Variants in GPR173 observed in about 807,000 individuals in gnomAD.
The protein encoded by GPR173 is G protein-coupled receptor 173.
Under a neutral mutation model 13.9 loss-of-function variants are expected in GPR173, and 2 were observed. The ratio of observed to expected loss-of-function variants is 0.14; its 90% CI spans 0.06 to 0.45. The LOEUF is 0.45. GPR173 is among the 20% of genes least tolerant of loss of function. GPR173 has a pLI of 0.98. For synonymous variants in GPR173, 131 were observed against 141.0 expected (o/e 0.93, Z 0.50); for missense variants, 202 against 340.5 (o/e 0.59, Z 3.20).
At chrX:53,059,652 TGTA>T (rs1475936651) in intron 1 of GPR173, among the ~76,000 whole-genome samples, 1 of 108,251 alleles carries the variant, frequency 9.2e-6, no homozygotes, top group African/African-American at 3.4e-5. Context: ...ATTAGCCAGG[TGTA>T]GTGGTGTGCA....
chrX:53,072,964 T>C (rs782241354), intron 1 of GPR173, among the ~76,000 whole-genome samples: 3 of 111,399 alleles, frequency 2.7e-5, no homozygotes, highest in African/African-American at 9.8e-5. Flanking sequence ...GGCTCATACC[T>C]GTAATCCCAA....
intron 1 of GPR173, among the ~76,000 whole-genome samples, chrX:53,052,606 T>TAC (rs1569220331): frequency 0.016 from 1,626 of 101,656 alleles, 32 homozygotes; most frequent in African/African-American, 0.056. Context: ...CACACACGTG[T>TAC]GTGTGTGTGT....
At position 53,060,259 on chromosome X, in the gene GPR173, C is replaced by T. The variant is rs1556803634; in HGVS notation, c.-98+10775C>T. Among the ~76,000 whole-genome samples the T allele has an allele frequency of 2.8e-5, 3 of 108,569 alleles. 1 individual carries two copies. Among genetic ancestry groups the T allele is most frequent in the East Asian group, 2.9e-4 (1 of 3,446 alleles). The allele number at this position is 108,569 out of a possible 115,157, so 94.3% of individuals were successfully genotyped here. A position where few individuals can be genotyped will look rare whatever the true frequency, so the allele number is the denominator to read the frequency against. Reference sequence around the variant, plus strand: ...CTGCCTCCCGGGTTCAAGCGATTCTCGTGCCTCAACCAAAAAAAAATTTAA... The same window carrying T: ...CTGCCTCCCGGGTTCAAGCGATTCTTGTGCCTCAACCAAAAAAAAATTTAA... On this transcript the variant is annotated intron_variant, in intron 1 of 1. Transcript: ENST00000332582.
intron 1 of GPR173, among the ~76,000 whole-genome samples, chrX:53,073,972 T>A (rs1244408126): frequency 3.1e-5 from 1 of 32,498 alleles, no homozygotes. Context: ...TAAATATATA[T>A]TTATATTTAT....
intron 1 of GPR173, among the ~76,000 whole-genome samples, chrX:53,057,177 G>A (rs1411068565): frequency 8.9e-6 from 1 of 111,887 alleles, no homozygotes; most frequent in Non-Finnish European, 1.9e-5. Flanking sequence ...AGCACTTTGG[G>A]AGGCTGAGGC....
intron 1 of GPR173, among the ~76,000 whole-genome samples, chrX:53,073,437 T>G (rs1373613785): frequency 9.1e-6 from 1 of 110,414 alleles, no homozygotes; most frequent in Non-Finnish European, 1.9e-5. Flanking sequence ...CTGGGACCTG[T>G]GCTGTTACCT....
Position 53,077,221 on chromosome X carries a change from C to T in GPR173, c.600C>T (p.Thr200=), listed in dbSNP as rs201387331. 5.7e-5 allele frequency: 68 copies of T among 1,195,145 alleles called. No homozygotes were observed. The highest frequency in any genetic ancestry group is 2.5e-4 in the Admixed American group (11 of 43,609). The part of the protein sequence containing the change: ...MLMLAVLMAA[T]HAVYGKLLLF... The stretch of plus-strand genomic sequence containing the variant: ...TGTTGGCTGTGCTCATGGCAGCTAC[C>T]CATGCTGTCTACGGCAAGCTGCTCC... The change falls in exon 2 of 2, where the codon ACC becomes ACT. Residue 200 remains threonine, a synonymous_variant. Coordinates refer to ENST00000332582, the MANE Select transcript of GPR173 (RefSeq NM_018969.6).
chrX:53,053,116 A>T, intron 1 of GPR173, among the ~76,000 whole-genome samples: 1 of 112,649 alleles, frequency 8.9e-6, no homozygotes, highest in African/African-American at 3.2e-5. Flanking sequence ...GTACATTTGT[A>T]TTTCCATGTC....
At chrX:53,062,615 C>A (rs1556803925) in intron 1 of GPR173, among the ~76,000 whole-genome samples, 4 of 79,573 alleles carry the variant, frequency 5.0e-5, no homozygotes, top group African/African-American at 2.1e-4. Flanking sequence ...AGGTCTCCCT[C>A]TCTGTCACCC....
chrX:53,061,149 G>C (rs1448556362), intron 1 of GPR173, among the ~76,000 whole-genome samples: 1 of 108,704 alleles, frequency 9.2e-6, no homozygotes, highest in Non-Finnish European at 1.9e-5. Context: ...CGTGGACCCA[G>C]GAGGCAGAGT....
chrX:53,069,800 T>A (rs188114840), intron 1 of GPR173, among the ~76,000 whole-genome samples: 211 of 111,840 alleles, frequency 1.9e-3, no homozygotes, highest in African/African-American at 4.8e-3. Flanking sequence ...GGAGTGTATA[T>A]GTGAATGGGT....
At chrX:53,076,255 CCTGT>C (rs1391416713) in intron 1 of GPR173, among the ~76,000 whole-genome samples, 8 of 110,456 alleles carry the variant, frequency 7.2e-5, no homozygotes, top group Non-Finnish European at 1.3e-4. Flanking sequence ...CTCATGGTCT[CCTGT>C]CTGTCTCTCT....
chrX:53,050,327 C>T (rs782584989), intron 1 of GPR173, among the ~76,000 whole-genome samples: 1 of 111,943 alleles, frequency 8.9e-6, no homozygotes, highest in African/African-American at 3.3e-5. Context: ...CCAGCCTCCA[C>T]CACAAGGCTC....
chrX:53,058,554 A>C (rs782162110), intron 1 of GPR173, among the ~76,000 whole-genome samples: 1 of 110,788 alleles, frequency 9.0e-6, no homozygotes, highest in Non-Finnish European at 1.9e-5. Flanking sequence ...ATTGCTCTAC[A>C]TGCCTGCTTG....
At chrX:53,073,972 TTTATA>T (rs1932326728) in intron 1 of GPR173, among the ~76,000 whole-genome samples, 1 of 32,498 alleles carries the variant, frequency 3.1e-5, no homozygotes, top group African/African-American at 3.0e-4. Context: ...TAAATATATA[TTTATA>T]TTTATATATA....
chrX:53,051,897 G>A (rs782300497), intron 1 of GPR173, among the ~76,000 whole-genome samples: 1 of 110,911 alleles, frequency 9.0e-6, no homozygotes, highest in South Asian at 3.8e-4. Flanking sequence ...GGGCATATAT[G>A]TGCATGTCCA....
rs782724502 is a variant in GPR173 at position 53,052,459 on chromosome X, G to T, written c.-98+2975G>T. ...AGTATGTGAGTGTGAATGTGTATTT[G>T]AATATGCCTGTGATTGTGAGTGTAT... is the stretch of plus-strand genomic sequence containing the variant. On this transcript the variant is annotated intron_variant, in intron 1 of 1. Coordinates refer to ENST00000332582, the MANE Select transcript of GPR173 (RefSeq NM_018969.6). Among the ~76,000 whole-genome samples, 100 of 111,158 alleles carry T rather than the reference G, an allele frequency of 9.0e-4. 1 individual carries two copies. Among genetic ancestry groups the T allele is most frequent in the Non-Finnish European group, 1.9e-4 (10 of 52,911 alleles).
chrX:53,076,014 A>G (rs12388258), intron 1 of GPR173, among the ~76,000 whole-genome samples: 30,871 of 109,874 alleles, frequency 0.28, 3,942 homozygotes, highest in African/African-American at 0.49. Flanking sequence ...GCTTTGCAAA[A>G]GGGGAGAAGA....
intron 1 of GPR173, among the ~76,000 whole-genome samples, chrX:53,049,925 C>T (rs1931930578): frequency 9.7e-6 from 1 of 102,951 alleles, no homozygotes; most frequent in Non-Finnish European, 2.0e-5. Flanking sequence ...GATCCCTGGC[C>T]TGCTGGCCGG....
Sources: allele counts gnomAD v4.1 joint callset (sites outside exome capture counted in the v4.1 genomes callset), GRCh38; gene constraint gnomAD v4.1.1; transcripts MANE v1.5; gene names NCBI Gene and HGNC (gene_info 2026-07-23, HGNC 2026-07-21).